Variants in NUP210L observed in about 807,000 individuals in gnomAD.
NUP210L encodes nuclear pore membrane glycoprotein 210-like.
In NUP210L, 74 loss-of-function variants were observed where a neutral mutation model predicts 208.5. The ratio of observed to expected loss-of-function variants is 0.35; its 90% CI spans 0.29 to 0.43. NUP210L has a LOEUF of 0.43. Ranked by LOEUF, NUP210L falls within the 20% of genes least tolerant of loss-of-function variation. The pLI is 1.00. For missense variants in NUP210L, 1,843 were observed against 2,289.4 expected (o/e 0.81, Z 3.98); for synonymous variants, 780 against 816.9 (o/e 0.95, Z 0.77).
intron 35 of NUP210L, among the ~76,000 whole-genome samples, chr1:154,004,850 C>CT (rs1650419272): frequency 3.3e-5 from 4 of 122,428 alleles, no homozygotes; most frequent in East Asian, 3.3e-4. Context: ...TTCTTTCTTT[C>CT]TTTCTTTTTT....
chr1:154,029,469 C>G (rs554633147), intron 28 of NUP210L, among the ~76,000 whole-genome samples: 27 of 150,848 alleles, frequency 1.8e-4, no homozygotes, highest in Middle Eastern at 3.5e-3. Flanking sequence ...TTTGGGAGGC[C>G]GAGGCAGGAG....
intron 35 of NUP210L, among the ~76,000 whole-genome samples, chr1:154,007,163 A>G (rs543148013): frequency 3.4e-5 from 5 of 146,286 alleles, no homozygotes; most frequent in Admixed American, 2.8e-4. Flanking sequence ...GAGTTTCACC[A>G]TGTTAGCCAG....
chr1:154,074,532 A>C (rs933042125), intron 16 of NUP210L, among the ~76,000 whole-genome samples: 1 of 149,044 alleles, frequency 6.7e-6, no homozygotes, highest in African/African-American at 2.5e-5. Flanking sequence ...TCTGTCACCA[A>C]GGATGGAGTG....
intron 37 of NUP210L, 125 bp from the exon 38 acceptor site, chr1:153,995,305 G>T: frequency 1.5e-6 from 1 of 663,032 alleles, no homozygotes; most frequent in Non-Finnish European, 2.6e-6. Flanking sequence ...AGGCTGGAGG[G>T]CAGTGGTGCG....
chr1:154,153,889 G>A (rs1301572450), intron 1 of NUP210L, among the ~76,000 whole-genome samples: 1 of 152,138 alleles, frequency 6.6e-6, no homozygotes, highest in African/African-American at 2.4e-5. Context: ...TAAAATGAGA[G>A]GTGAATTTAT....
intron 14 of NUP210L, among the ~76,000 whole-genome samples, chr1:154,099,757 T>C (rs111271864): frequency 7.5e-4 from 115 of 152,342 alleles, no homozygotes; most frequent in African/African-American, 2.2e-3. Flanking sequence ...GAAAGGAGAA[T>C]ATCTAAAACT....
chr1:154,056,300 A>G (rs966579534), intron 23 of NUP210L, among the ~76,000 whole-genome samples: 11 of 152,176 alleles, frequency 7.2e-5, no homozygotes, highest in Admixed American at 5.2e-4. Context: ...GACCACAGGC[A>G]TGCACCACTA....
intron 12 of NUP210L, among the ~76,000 whole-genome samples, chr1:154,111,212 A>C (rs927202418): frequency 6.0e-5 from 9 of 151,228 alleles, no homozygotes; most frequent in African/African-American, 9.8e-5. Context: ...GTGAAACCCT[A>C]TCTGTACTAA....
In NUP210L at chr1:154,001,807, C is replaced by A. The variant is rs1209209024; in HGVS notation, c.5109G>T (p.Leu1703Phe). 5 of 1,614,052 alleles carry A rather than the reference C, an allele frequency of 3.1e-6. 1 individual carries two copies. In the South Asian group the frequency reaches 5.5e-5, roughly 18 times the overall value. Residue 1703 changes from leucine (L) to phenylalanine (F), a missense_variant, in exon 36 of 40, where the codon TTG (leucine) becomes TTT (phenylalanine). Transcript: ENST00000368559. ...CGATATCTTGTTTGTGGCTAAGAAC[C>A]AATTCTGACTGGTTAATATAAAAGG...
chr1:154,132,335 T>G (rs914141140), intron 7 of NUP210L, among the ~76,000 whole-genome samples: 11 of 152,230 alleles, frequency 7.2e-5, no homozygotes, highest in African/African-American at 2.4e-4. Context: ...TCTTGATCCT[T>G]GAGGATCTAT....
At chr1:154,055,193 C>T (rs867445969) in intron 23 of NUP210L, among the ~76,000 whole-genome samples, 8 of 105,902 alleles carry the variant, frequency 7.6e-5, no homozygotes, top group East Asian at 5.3e-4. Flanking sequence ...CTTTCTTTTT[C>T]TTTCTTTCTT....
chr1:154,025,837 C>A, intron 29 of NUP210L, 121 bp from the exon 30 acceptor site: 1 of 725,730 alleles, frequency 1.4e-6, no homozygotes, highest in Non-Finnish European at 2.3e-6. Flanking sequence ...TGCCATTCTC[C>A]ACGTGTGTAA....
intron 22 of NUP210L, among the ~76,000 whole-genome samples, 189 bp downstream of exon 22, chr1:154,057,900 C>T (rs968161086): frequency 2.6e-5 from 4 of 152,048 alleles, no homozygotes; most frequent in East Asian, 1.9e-4. Context: ...TGTACCCTCA[C>T]GCCAGGCTCA....
At chr1:154,111,459 C>T (rs1295162501) in intron 12 of NUP210L, among the ~76,000 whole-genome samples, 2 of 151,240 alleles carry the variant, frequency 1.3e-5, no homozygotes, top group African/African-American at 4.9e-5. Context: ...GAAGATATTA[C>T]AGCCAATACC....
chr1:154,014,111 T>C (rs1651113908), intron 33 of NUP210L, among the ~76,000 whole-genome samples: 1 of 152,172 alleles, frequency 6.6e-6, no homozygotes, highest in Admixed American at 6.6e-5. Flanking sequence ...TTCTCCTTAG[T>C]ATTACCACAG....
At chr1:154,000,781 G>C in intron 37 of NUP210L, 75 bp downstream of exon 37, 1 of 1,308,924 alleles carries the variant, frequency 7.6e-7, no homozygotes, top group Middle Eastern at 2.4e-4. Context: ...CAAAACTGCA[G>C]ATGGGGGGTA....
rs2147929774 is a variant in NUP210L, at chr1:154,023,110, TG to T, written c.4298+11del. ...TACCATAGTGTCAATACCATTCCTT[TG>T]ACTTCCATACCTGTTCAGAGCCAGA... On this transcript the variant is annotated intron_variant, in intron 31 of 39. Transcript: ENST00000368559. 2 of 1,610,706 alleles carry T rather than the reference TG, an allele frequency of 1.2e-6. No individual in the cohort carries two copies. The highest frequency in any genetic ancestry group is 4.5e-5 in the East Asian group (2 of 44,782).
chr1:154,115,969 A>G (rs1224423540), intron 12 of NUP210L, among the ~76,000 whole-genome samples: 1 of 151,730 alleles, frequency 6.6e-6, no homozygotes, highest in Non-Finnish European at 1.5e-5. Context: ...AAATACAAAA[A>G]ATTAGGCCGG....
At chr1:154,124,157 A>C (rs1657762094) in intron 10 of NUP210L, among the ~76,000 whole-genome samples, 1 of 149,844 alleles carries the variant, frequency 6.7e-6, no homozygotes, top group Non-Finnish European at 1.5e-5. Context: ...ACTGCGCTCC[A>C]GCCTGGGCAA....
Sources: gnomAD v4.1 joint callset for allele counts (sites outside exome capture counted in the v4.1 genomes callset) on GRCh38, gnomAD v4.1.1 for gene constraint, MANE v1.5 for transcripts, NCBI Gene and HGNC (gene_info 2026-07-23, HGNC 2026-07-21) for gene names.